Variants in STK32B observed in about 807,000 individuals in gnomAD.
The protein encoded by STK32B is serine/threonine-protein kinase 32B.
In STK32B, 43 loss-of-function variants were observed where a neutral mutation model predicts 52.6. The observed-to-expected ratio is 0.82, with a 90% CI of 0.64 to 1.05. The LOEUF (loss-of-function observed/expected upper bound fraction) is 1.05. Ranked by LOEUF, STK32B falls within the 50% of genes least tolerant of loss-of-function variation. STK32B has a pLI of 0.00. For missense variants in STK32B, 621 were observed against 534.6 expected, an observed-to-expected ratio of 1.16 and a Z score of -1.59; for synonymous variants, 238 against 204.3, an observed-to-expected ratio of 1.17 and a Z score of -1.41.
intron 1 of STK32B, among the ~76,000 whole-genome samples, chr4:5,054,567 G>A (rs775771008): frequency 6.6e-6 from 1 of 152,198 alleles, no homozygotes; most frequent in Non-Finnish European, 1.5e-5. Context: ...AAGCTGAAAG[G>A]CACAAAAGAT....
chr4:5,212,674 C>A (rs993850305), intron 3 of STK32B, among the ~76,000 whole-genome samples: 4 of 152,128 alleles, frequency 2.6e-5, no homozygotes, highest in Admixed American at 6.5e-5. Flanking sequence ...TGTCATCGTC[C>A]CTTAAAACAT....
At chr4:5,099,277 C>G (rs1455619149) in intron 1 of STK32B, among the ~76,000 whole-genome samples, 3 of 152,142 alleles carry the variant, frequency 2.0e-5, no homozygotes, top group Non-Finnish European at 4.4e-5. Context: ...TTGGCAGCCT[C>G]AATTCCATCT....
At chr4:5,425,515 G>A (rs1713017399) in intron 6 of STK32B, among the ~76,000 whole-genome samples, 1 of 152,114 alleles carries the variant, frequency 6.6e-6, no homozygotes, top group Non-Finnish European at 1.5e-5. Context: ...CTACATGCTA[G>A]GCACTGTTCT....
chr4:5,472,659 T>G (rs16837336), intron 11 of STK32B, among the ~76,000 whole-genome samples: 3,329 of 152,326 alleles, frequency 0.022, 48 homozygotes, highest in African/African-American at 0.034. Context: ...AGGGGCATTT[T>G]CTATCTTTGC....
intron 3 of STK32B, among the ~76,000 whole-genome samples, chr4:5,191,669 G>A (rs1396349907): frequency 3.3e-5 from 5 of 152,142 alleles, no homozygotes; most frequent in African/African-American, 7.2e-5. Flanking sequence ...CCTGCTCAGC[G>A]AGTCTGAAAG....
At chr4:5,038,831 A>G in the STK32B span, among the ~76,000 whole-genome samples, 2 of 152,292 alleles carry the variant, frequency 1.3e-5, no homozygotes, top group South Asian at 4.1e-4. Flanking sequence ...TCAATTTATA[A>G]AAACATATTT....
chr4:5,286,972 A>G (rs1728590306), intron 3 of STK32B, among the ~76,000 whole-genome samples: 1 of 151,714 alleles, frequency 6.6e-6, no homozygotes, highest in South Asian at 2.1e-4. Context: ...TAATTTTTGT[A>G]TTTTTAGTAG....
At chr4:5,486,309 G>A (rs986976598) in intron 11 of STK32B, among the ~76,000 whole-genome samples, 24 of 152,116 alleles carry the variant, frequency 1.6e-4, no homozygotes, top group African/African-American at 5.3e-4. Context: ...CCCCAACCTC[G>A]CTGCAGCCTT....
intron 4 of STK32B, among the ~76,000 whole-genome samples, chr4:5,391,421 T>G (rs981441913): frequency 1.3e-5 from 2 of 152,278 alleles, no homozygotes; most frequent in Middle Eastern, 3.4e-3. Flanking sequence ...ACACACACTT[T>G]CCTGCAAAGA....
At chr4:5,074,188 A>ATATATGTGTGTGTGTG (rs375845988) in intron 1 of STK32B, among the ~76,000 whole-genome samples, 4 of 148,800 alleles carry the variant, frequency 2.7e-5, no homozygotes, top group African/African-American at 9.9e-5. Context: ...AAATATATAT[A>ATATATGTGTGTGTGTG]TGTGTGTGTG....
chr4:5,290,904 A>G (rs563633344), intron 3 of STK32B, among the ~76,000 whole-genome samples: 1 of 152,172 alleles, frequency 6.6e-6, no homozygotes, highest in Non-Finnish European at 1.5e-5. Context: ...AGTAAAATTC[A>G]TACGGAAAGG....
At chr4:5,438,042 G>T in intron 6 of STK32B, 2 of 985,568 alleles carry the variant, frequency 2.0e-6, no homozygotes, top group South Asian at 4.7e-5. Flanking sequence ...CTTCTACCCT[G>T]AGTTCTGAAT....
intron 3 of STK32B, among the ~76,000 whole-genome samples, chr4:5,275,269 T>C (rs1727739010): frequency 6.6e-6 from 1 of 152,250 alleles, no homozygotes; most frequent in Non-Finnish European, 1.5e-5. Context: ...CTGGCCTTTT[T>C]GTTCCATTAT....
chr4:5,186,086 C>T (rs1165375782), intron 3 of STK32B, among the ~76,000 whole-genome samples: 1 of 152,092 alleles, frequency 6.6e-6, no homozygotes, highest in Non-Finnish European at 1.5e-5. Context: ...TCACTGGGCT[C>T]TTATTGGGTA....
At chr4:5,454,595 G>A (rs1716330748) in intron 7 of STK32B, among the ~76,000 whole-genome samples, 1 of 152,128 alleles carries the variant, frequency 6.6e-6, no homozygotes, top group South Asian at 2.1e-4. Flanking sequence ...TTTAGCATAT[G>A]AATTTGGGGG....
At position 5,058,385 on chromosome 4, in the gene STK32B, G is replaced by C. The variant is rs910504518; in HGVS notation, c.52+6470G>C. 1.3e-5 allele frequency among the ~76,000 whole-genome samples: 2 copies of C among 152,190 alleles called. No individual in the cohort carries two copies. The highest frequency in any genetic ancestry group is 2.9e-5 in the Non-Finnish European group (2 of 68,038). ...TCTTGGAGAAAGTATTGAAGACCTAGTGAGTGTCACTTTATATCACTCCAT... is the reference window on the plus strand; with the variant it reads ...TCTTGGAGAAAGTATTGAAGACCTACTGAGTGTCACTTTATATCACTCCAT... On this transcript the variant is annotated intron_variant, in intron 1 of 11. Transcript: ENST00000282908. This position sits in a 1 kb window ranked among gnomAD's most constrained non-coding sequence, Gnocchi z 4.8.
At chr4:5,392,606 T>A (rs1358685234) in intron 4 of STK32B, among the ~76,000 whole-genome samples, 1 of 152,122 alleles carries the variant, frequency 6.6e-6, no homozygotes, top group Non-Finnish European at 1.5e-5. Context: ...AGAGTAGGTC[T>A]TACCTCTACC....
chr4:5,386,696 C>T lies in STK32B; in HGVS notation c.435-11511C>T, dbSNP rs1560372280. ...AAATCCCAGCTCTGGCACTAATTTC[C>T]CAGACAACTCGAAGGAAGTTACTTA... On this transcript the variant is annotated intron_variant, in intron 4 of 11. Transcript: ENST00000282908. The surrounding 1 kb of genome is among the most constrained non-coding windows in gnomAD (Gnocchi z 4.5). 2.0e-5 allele frequency among the ~76,000 whole-genome samples: 3 copies of T among 152,174 alleles called. No individual in the cohort carries two copies. The highest frequency in any genetic ancestry group is 2.0e-4 in the Admixed American group (3 of 15,280).
chr4:5,169,956 G>T (rs1240217116), intron 3 of STK32B, among the ~76,000 whole-genome samples: 1 of 152,018 alleles, frequency 6.6e-6, no homozygotes, highest in Non-Finnish European at 1.5e-5. Context: ...AACATTCAGA[G>T]AAATTTTGTA....
Sources: allele counts gnomAD v4.1 joint callset (sites outside exome capture counted in the v4.1 genomes callset), GRCh38; gene constraint gnomAD v4.1.1; non-coding constraint Gnocchi (gnomAD v3.1); transcripts MANE v1.5; gene names NCBI Gene and HGNC (gene_info 2026-07-23, HGNC 2026-07-21).